Variants in REXO1 observed in about 807,000 individuals in gnomAD.
REXO1 encodes the protein RNA exonuclease 1 homolog.
A neutral mutation model predicts 102.6 loss-of-function variants in REXO1; 42 were observed. That is an observed-to-expected ratio of 0.41 (90% confidence interval 0.32 to 0.53). REXO1 has a LOEUF of 0.53. REXO1 is among the 20% of genes least tolerant of loss of function. REXO1 has a pLI of 0.27. For missense variants in REXO1, 1,819 were observed against 1,732.5 expected (o/e 1.05, Z -0.89); for synonymous variants, 908 against 779.1 (o/e 1.17, Z -2.76).
At position 1,818,550 on chromosome 19, in the gene REXO1, G is replaced by T. The variant is rs2069438574; in HGVS notation, c.2948C>A (p.Ser983Tyr). 1 of 1,612,170 alleles carries T rather than the reference G, an allele frequency of 6.2e-7. No homozygotes were observed. The highest frequency in any genetic ancestry group is 2.2e-5 in the East Asian group (1 of 44,864). Residue 983 changes from serine (S) to tyrosine (Y), a missense_variant, in exon 10 of 16, where the codon TCC becomes TAC. Coordinates refer to ENST00000170168, the MANE Select transcript of REXO1 (RefSeq NM_020695.4). Reference protein sequence around the residue: ...CCRCGTEYLVSSSGRCIRDEE... With the variant: ...CCRCGTEYLVYSSGRCIRDEE... Reference sequence around the variant, plus strand: ...GTCCCGGATGCAGCGGCCTGAAGAGGACACGAGGTACTCGGTGCCACAGCG... The same window carrying T: ...GTCCCGGATGCAGCGGCCTGAAGAGTACACGAGGTACTCGGTGCCACAGCG...
chr19:1,821,413 A>G, intron 5 of REXO1, 106 bp downstream of exon 5: 1 of 1,342,586 alleles, frequency 7.4e-7, no homozygotes, highest in Non-Finnish European at 1.0e-6. Context: ...TGGAGCACGA[A>G]GGCCCGCAGG....
rs530228333 is a variant in REXO1 at position 1,837,677 on chromosome 19, C to T, written c.158-9046G>A. Among the ~76,000 whole-genome samples, 40 of 152,330 alleles carry T rather than the reference C, an allele frequency of 2.6e-4. 1 individual carries two copies. The East Asian group carries it at 6.8e-3, about 26-fold the overall frequency. ...CAGCAGCGGCACCTGGGGTCTACCC[C>T]ACTGCCCCCAGGGTTCTCCTCGACC... On this transcript the variant is annotated intron_variant, in intron 1 of 15. Transcript: ENST00000170168.
chr19:1,848,230 A>ACCGGGCGCGCCGGGGCC lies in REXO1; in HGVS notation c.128_129insGGCCCCGGCGCGCCCGG (p.Asp44AlafsTer122). ...CTGCGGGGGGCGCCTCTCCGCCGTC[A>ACCGGGCGCGCCGGGGCC]CCGGGCGCGCCGGAGCCCCGGGCCC... On this transcript the variant is annotated frameshift_variant, in exon 1 of 16. Transcript: ENST00000170168. LOFTEE classifies it high-confidence loss of function. 1 of 1,227,522 alleles carries ACCGGGCGCGCCGGGGCC rather than the reference A, an allele frequency of 8.1e-7. No homozygotes were observed. The highest frequency in any genetic ancestry group is 1.0e-6 in the Non-Finnish European group (1 of 981,978). 76.0% of individuals were successfully genotyped at this position (1,227,522 alleles called of 1,614,324 possible). A position where few individuals can be genotyped will look rare whatever the true frequency, so the allele number is the denominator to read the frequency against.
chr19:1,819,031 C>T lies in REXO1; in HGVS notation c.2751G>A (p.Val917=), dbSNP rs1202524672. The change falls in exon 8 of 16, where the codon GTG becomes GTA. Residue 917 remains valine (V), a synonymous_variant. Transcript: ENST00000170168. The stretch of plus-strand genomic sequence containing the variant: ...GCAGGGCCTTACCTTTCAGGTCCTC[C>T]ACCCGGGGGCTGCTTGGACGGCTGA... ...FSLSRPSSPR[V]EDLKGAALYS... is the part of the protein sequence containing the mutation. The T allele has an allele frequency of 6.2e-7, 1 of 1,600,374 alleles. No homozygotes were observed. Among genetic ancestry groups the T allele is most frequent in the Non-Finnish European group, 8.5e-7 (1 of 1,172,998 alleles).
chr19:1,818,895 T>A, intron 8 of REXO1, 52 bp from the exon 9 acceptor site: 3 of 1,595,284 alleles, frequency 1.9e-6, no homozygotes, highest in Non-Finnish European at 2.6e-6. Flanking sequence ...CACGGGGCGG[T>A]AGACACCACC....
rs777184637 is a variant in REXO1, at chr19:1,816,028, C to A, written c.*38G>T. The A allele has an allele frequency of 2.6e-6, 4 of 1,540,674 alleles. No homozygotes were observed. Among genetic ancestry groups the A allele is most frequent in the Non-Finnish European group, 3.5e-6 (4 of 1,147,354 alleles). ...GAAGAGGCATGGGGCTAAGGACCAG[C>A]GGGACGGCAGGAGAGGCGGGTGGGA... is the stretch of plus-strand genomic sequence containing the variant. On this transcript the variant is annotated 3_prime_UTR_variant, in exon 16 of 16. Transcript: ENST00000170168.
At chr19:1,816,894 G>C in intron 12 of REXO1, 81 bp from the exon 13 acceptor site, 5 of 1,082,946 alleles carry the variant, frequency 4.6e-6, no homozygotes, top group East Asian at 2.4e-5. Flanking sequence ...TGAGTCTCCA[G>C]AGCCCCTCCA....
chr19:1,838,174 A>G (rs1163029454), intron 1 of REXO1, among the ~76,000 whole-genome samples: 2 of 151,934 alleles, frequency 1.3e-5, no homozygotes, highest in Admixed American at 1.3e-4. Flanking sequence ...ACAAAAAATT[A>G]GCCGGGTGTG....
intron 1 of REXO1, among the ~76,000 whole-genome samples, chr19:1,843,807 C>T (rs1420312023): frequency 6.6e-6 from 1 of 152,242 alleles, no homozygotes; most frequent in Non-Finnish European, 1.5e-5. Context: ...ACGGTGCCTT[C>T]ACTGCCCCAC....
In REXO1 at chr19:1,827,040, G is replaced by T; in HGVS notation, c.1749C>A (p.Ser583=). 7.7e-7 allele frequency: 1 copy of T among 1,297,130 alleles called. No homozygotes were observed. 80.4% of individuals were successfully genotyped at this position (1,297,130 alleles called of 1,614,324 possible). A position where few individuals can be genotyped will look rare whatever the true frequency, so the allele number is the denominator to read the frequency against. The change falls in exon 2 of 16, where the codon TCC becomes TCA. Residue 583 remains serine (S), a synonymous_variant. Transcript: ENST00000170168. ...TGGAGGTGGAGGAGGAGGAGGAGGA[G>T]GAGGAGGATGGGGCGGGGGAGGGGG... ...SPPPSPAPSS[S]SSSSSSTSSA...
rs138422554 is a variant in REXO1, at chr19:1,818,782, G to A, written c.2826C>T (p.Asn942=). The change falls in exon 9 of 16, where the codon AAC becomes AAT. Residue 942 remains asparagine, a synonymous_variant. Transcript: ENST00000170168. The part of the protein sequence containing the change: ...YLLTQDQLKE[N]GYPFPHPERP... ...GCTCTGGGTGCGGGAAGGGGTAGCCGTTCTCCTTGAGCTGGTCCTGGGTGA... is the reference window on the plus strand; with the variant it reads ...GCTCTGGGTGCGGGAAGGGGTAGCCATTCTCCTTGAGCTGGTCCTGGGTGA... The A allele has an allele frequency of 4.3e-5, 69 of 1,609,936 alleles. No individual in the cohort carries two copies. The highest frequency in any genetic ancestry group is 1.7e-4 in the Middle Eastern group (1 of 5,778).
At chr19:1,822,619 C>G (rs769403740) in intron 4 of REXO1, 1 of 152,390 alleles carries the variant, frequency 6.6e-6, no homozygotes, top group African/African-American at 2.4e-5. Context: ...AACCCGAGCG[C>G]GGAGACACAG....
intron 1 of REXO1, among the ~76,000 whole-genome samples, chr19:1,837,970 G>A (rs574450655): frequency 6.6e-6 from 1 of 152,238 alleles, no homozygotes; most frequent in East Asian, 1.9e-4. Flanking sequence ...CGAGGCTAGG[G>A]GACAGGGACG....
At chr19:1,816,384 C>G (rs145032743) in intron 14 of REXO1, 39 bp from the exon 15 acceptor site, 2 of 1,597,634 alleles carry the variant, frequency 1.3e-6, no homozygotes, top group Non-Finnish European at 1.7e-6. Flanking sequence ...GTGGGGCCTG[C>G]GCAGGTCCTG....
Position 1,819,710 on chromosome 19 carries a change from A to T in REXO1, c.2650+224T>A, listed in dbSNP as rs891831169. Among the ~76,000 whole-genome samples the T allele has an allele frequency of 2.0e-5, 3 of 152,086 alleles. No homozygotes were observed. The East Asian group carries it at 5.8e-4, about 29-fold the overall frequency. On this transcript the variant is annotated intron_variant, in intron 7 of 15. Coordinates refer to ENST00000170168, the MANE Select transcript of REXO1 (RefSeq NM_020695.4). Reference sequence around the variant, plus strand: ...CCCCTCGGCTCGGCTTGGAGACCCCACTCAGCGGAGGAAGGCGGCTGACAG... The same window carrying T: ...CCCCTCGGCTCGGCTTGGAGACCCCTCTCAGCGGAGGAAGGCGGCTGACAG...
chr19:1,831,091 G>C (rs766553570), intron 1 of REXO1, among the ~76,000 whole-genome samples: 7 of 152,160 alleles, frequency 4.6e-5, no homozygotes, highest in African/African-American at 1.4e-4. Flanking sequence ...CACCAAGCCC[G>C]CAGTCCCATG....
At chr19:1,821,002 A>C (rs918445820) in intron 5 of REXO1, among the ~76,000 whole-genome samples, 20 of 150,196 alleles carry the variant, frequency 1.3e-4, no homozygotes, top group Non-Finnish European at 2.7e-4. Flanking sequence ...CTCTAAACAA[A>C]AAAAAAAAAC....
In REXO1 at chr19:1,818,533, T is replaced by C. The variant is rs1313240282; in HGVS notation, c.2965A>G (p.Ile989Val). The C allele has an allele frequency of 1.2e-6, 2 of 1,611,934 alleles. No individual in the cohort carries two copies. Among genetic ancestry groups the C allele is most frequent in the African/African-American group, 1.3e-5 (1 of 74,912 alleles). The change falls in exon 10 of 16, where the codon ATC becomes GTC. Residue 989 changes from isoleucine to valine, a missense_variant. Transcript: ENST00000170168. ...TGGTAATAACACTCCTCGTCCCGGA[T>C]GCAGCGGCCTGAAGAGGACACGAGG... ...EYLVSSSGRC[I>V]RDEECYYHWG...
At chr19:1,835,416 C>T (rs2070011625) in intron 1 of REXO1, among the ~76,000 whole-genome samples, 1 of 152,170 alleles carries the variant, frequency 6.6e-6, no homozygotes, top group Non-Finnish European at 1.5e-5. Flanking sequence ...GGCCTGGTGG[C>T]AGGCGCCTGT....
Sources: allele counts gnomAD v4.1 joint callset (sites outside exome capture counted in the v4.1 genomes callset), GRCh38; gene constraint gnomAD v4.1.1; transcripts MANE v1.5; gene names NCBI Gene and HGNC (gene_info 2026-07-23, HGNC 2026-07-21).